PHYHIPL: variants seen among roughly 807,000 people sequenced by gnomAD.
The protein encoded by PHYHIPL is phytanoyl-CoA hydroxylase-interacting protein-like.
In PHYHIPL, 9 loss-of-function variants were observed where a neutral mutation model predicts 33.4. The ratio of observed to expected loss-of-function variants is 0.27; its 90% confidence interval spans 0.16 to 0.47. PHYHIPL has a LOEUF of 0.47. Ranked by LOEUF, PHYHIPL falls within the 20% of genes least tolerant of loss-of-function variation. The pLI, the probability that PHYHIPL is intolerant of heterozygous loss-of-function variation, is 0.99. For synonymous variants in PHYHIPL, 153 were observed against 154.1 expected, an observed-to-expected ratio of 0.99 and a Z score of 0.05; for missense variants, 365 against 460.7, an observed-to-expected ratio of 0.79 and a Z score of 1.90.
intron 1 of PHYHIPL, among the ~76,000 whole-genome samples, chr10:59,200,766 T>A (rs1044010572): frequency 1.3e-5 from 2 of 152,192 alleles, no homozygotes; most frequent in African/African-American, 4.8e-5. Flanking sequence ...CCATTCAACT[T>A]CTTCCTGGTT....
At chr10:59,209,384 AT>A (rs1839382171) in intron 1 of PHYHIPL, among the ~76,000 whole-genome samples, 1 of 152,164 alleles carries the variant, frequency 6.6e-6, no homozygotes, top group African/African-American at 2.4e-5. Flanking sequence ...ATGCTGAGAG[AT>A]TTTGTCACCA....
rs1228338735 is a variant in PHYHIPL at position 59,246,073 on chromosome 10, G to GTTA, written c.*485_*487dup. ...CACTTCCAACTTCTTGTTTGACAGTGTTATTTATGTTATTTATATTAGCTA... is the reference window on the plus strand; with the variant it reads ...CACTTCCAACTTCTTGTTTGACAGTGTTATTATTTATGTTATTTATATTAGCTA... On this transcript the variant is annotated 3_prime_UTR_variant, in exon 5 of 5. Coordinates refer to ENST00000373880, the MANE Select transcript of PHYHIPL (RefSeq NM_032439.4). 6.5e-6 allele frequency: 1 copy of GTTA among 153,178 alleles called. No individual in the cohort carries two copies. The highest frequency in any genetic ancestry group is 1.5e-5 in the Non-Finnish European group (1 of 68,458). 9.5% of individuals were successfully genotyped at this position (153,178 alleles called of 1,614,324 possible). A position where few individuals can be genotyped will look rare whatever the true frequency, so the allele number is the denominator to read the frequency against.
chr10:59,205,548 C>T (rs998386328), intron 1 of PHYHIPL, among the ~76,000 whole-genome samples: 6 of 152,150 alleles, frequency 3.9e-5, no homozygotes, highest in Admixed American at 2.0e-4. Context: ...GTATTTATTT[C>T]ATGTGCCCTG....
chr10:59,203,680 C>T (rs547455630), intron 1 of PHYHIPL, among the ~76,000 whole-genome samples: 1 of 151,038 alleles, frequency 6.6e-6, no homozygotes, highest in African/African-American at 2.4e-5. Flanking sequence ...GAAAGCCAAA[C>T]ACCACATGTT....
intron 1 of PHYHIPL, among the ~76,000 whole-genome samples, chr10:59,206,290 T>C (rs2133229088): frequency 6.6e-6 from 1 of 152,338 alleles, no homozygotes; most frequent in East Asian, 1.9e-4. Context: ...TCCCATTGCC[T>C]TTTGTTAGAC....
chr10:59,200,285 A>C (rs1839059942), intron 1 of PHYHIPL, among the ~76,000 whole-genome samples: 1 of 152,118 alleles, frequency 6.6e-6, no homozygotes, highest in African/African-American at 2.4e-5. Context: ...GAATTTTGTC[A>C]AAGGCCTTTT....
chr10:59,226,498 T>G (rs1839927717), intron 1 of PHYHIPL, among the ~76,000 whole-genome samples: 1 of 151,782 alleles, frequency 6.6e-6, no homozygotes, highest in Non-Finnish European at 1.5e-5. Context: ...TGAAAATGGT[T>G]GTGGTGGTGG....
At chr10:59,217,979 G>T (rs906031442) in intron 1 of PHYHIPL, among the ~76,000 whole-genome samples, 1 of 152,100 alleles carries the variant, frequency 6.6e-6, no homozygotes, top group South Asian at 2.1e-4. Flanking sequence ...CCAGTTGACC[G>T]TCCAAAGAAA....
chr10:59,214,396 A>T (rs563530181), intron 1 of PHYHIPL, among the ~76,000 whole-genome samples: 1 of 152,130 alleles, frequency 6.6e-6, no homozygotes, highest in Non-Finnish European at 1.5e-5. Context: ...GAAGTATTCC[A>T]AGTGATTTGA....
At chr10:59,177,258 G>A in intron 1 of PHYHIPL, 1 of 596,234 alleles carries the variant, frequency 1.7e-6, no homozygotes, top group African/African-American at 1.9e-5. Context: ...CTCCTGCCCC[G>A]ACGAGGCGTT....
intron 1 of PHYHIPL, among the ~76,000 whole-genome samples, chr10:59,219,735 A>T (rs1839710844): frequency 6.6e-6 from 1 of 152,118 alleles, no homozygotes; most frequent in Non-Finnish European, 1.5e-5. Flanking sequence ...TCATTATTAG[A>T]GAGAGAAAAA....
At chr10:59,194,501 A>T (rs1838859526) in intron 1 of PHYHIPL, among the ~76,000 whole-genome samples, 1 of 152,146 alleles carries the variant, frequency 6.6e-6, no homozygotes, top group Non-Finnish European at 1.5e-5. Context: ...AGTGCAGATA[A>T]TGTGTGTGTA....
At position 59,247,506 on chromosome 10, in the gene PHYHIPL, T is replaced by C. The variant is rs1840819440; in HGVS notation, c.*1915T>C. 1.4e-6 allele frequency: 2 copies of C among 1,397,104 alleles called. No individual in the cohort carries two copies. Among genetic ancestry groups the C allele is most frequent in the South Asian group, 1.2e-5 (1 of 83,020 alleles). The allele number at this position is 1,397,104 out of a possible 1,614,324, so 86.5% of individuals were successfully genotyped here. ...TCTTAAAAACAGCTAATACTACCACTAAAGTGCTTCCATTTTCATTGTGTC... is the reference window on the plus strand; with the variant it reads ...TCTTAAAAACAGCTAATACTACCACCAAAGTGCTTCCATTTTCATTGTGTC... On this transcript the variant is annotated 3_prime_UTR_variant, in exon 5 of 5. Coordinates refer to ENST00000373880, the MANE Select transcript of PHYHIPL (RefSeq NM_032439.4).
Position 59,206,683 on chromosome 10 carries a change from A to G in PHYHIPL, c.107-27621A>G, listed in dbSNP as rs1161095745. On this transcript the variant is annotated intron_variant, in intron 1 of 4. Transcript: ENST00000373880. Reference sequence around the variant, plus strand: ...ATTTAATTCAAATTTGTATATTGGTACATAAGGGAGACAGAAAATTGTAAA... The same window carrying G: ...ATTTAATTCAAATTTGTATATTGGTGCATAAGGGAGACAGAAAATTGTAAA... 7.1e-6 allele frequency: 4 copies of G among 560,352 alleles called. No homozygotes were observed. The African/African-American group carries it at 8.0e-5, about 11-fold the overall frequency. The allele number at this position is 560,352 out of a possible 1,614,324, so 34.7% of individuals were successfully genotyped here.
chr10:59,199,557 A>G (rs1183197042), intron 1 of PHYHIPL, among the ~76,000 whole-genome samples: 1 of 152,146 alleles, frequency 6.6e-6, no homozygotes, highest in Non-Finnish European at 1.5e-5. Context: ...TTGGTTCCAT[A>G]TGAACTTTAA....
At chr10:59,174,538 C>A (rs1255492079), upstream of PHYHIPL, among the ~76,000 whole-genome samples, 1 of 152,128 alleles carries the variant, frequency 6.6e-6, no homozygotes, top group Non-Finnish European at 1.5e-5. Context: ...GTAAATATTT[C>A]TTTTGTATTT....
At chr10:59,177,670 G>C in intron 1 of PHYHIPL, 1 of 1,540,822 alleles carries the variant, frequency 6.5e-7, no homozygotes, top group Non-Finnish European at 8.8e-7. Context: ...TGTTGAAGTT[G>C]GCAGGCTCCT....
intron 1 of PHYHIPL, among the ~76,000 whole-genome samples, chr10:59,209,340 T>C (rs1839381120): frequency 6.6e-6 from 1 of 152,000 alleles, no homozygotes; most frequent in African/African-American, 2.4e-5. Context: ...GCTTCATAAG[T>C]GAAGGAGAAA....
At chr10:59,183,747 AT>A in intron 1 of PHYHIPL, 15 of 873,072 alleles carry the variant, frequency 1.7e-5, no homozygotes, top group Non-Finnish European at 1.9e-5. Context: ...TATTTGAGCC[AT>A]GTAGTGGCTC....
Sources: gnomAD v4.1 joint callset for allele counts (sites outside exome capture counted in the v4.1 genomes callset) on GRCh38, gnomAD v4.1.1 for gene constraint, MANE v1.5 for transcripts, NCBI Gene and HGNC (gene_info 2026-07-23, HGNC 2026-07-21) for gene names.